The following DCP2 variants were observed in gnomAD, a reference collection of about 807,000 sequenced individuals.
DCP2 encodes the protein decapping mRNA 2, also known as m7GpppN-mRNA hydrolase.
Under a neutral mutation model 56.1 loss-of-function variants are expected in DCP2, and 30 were observed. The ratio of observed to expected loss-of-function variants is 0.53; its 90% CI spans 0.40 to 0.73. The LOEUF (loss-of-function observed/expected upper bound fraction) is 0.73, where lower values mean the gene tolerates loss of function less well. DCP2 is among the 30% of genes least tolerant of loss of function. The probability of loss-of-function intolerance (pLI) is 0.00; values close to 1 mark genes in which losing one functional copy is unlikely to be tolerated. For synonymous variants in DCP2, 197 were observed against 163.3 expected (o/e 1.21, Z -1.57); for missense variants, 533 against 502.7 (o/e 1.06, Z -0.58).
chr5:113,011,602 T>C (rs922854117), intron 10 of DCP2, among the ~76,000 whole-genome samples: 5 of 152,214 alleles, frequency 3.3e-5, no homozygotes, highest in Non-Finnish European at 7.3e-5. Flanking sequence ...TCTGTAATAC[T>C]GTCTGTGATT....
chr5:113,002,316 G>A (rs1225135989), intron 7 of DCP2, among the ~76,000 whole-genome samples: 2 of 151,770 alleles, frequency 1.3e-5, no homozygotes, highest in East Asian at 1.9e-4. Flanking sequence ...CCAGCTTCTC[G>A]GGAGGCTGAG....
At chr5:112,985,780 G>A (rs905982560) in intron 1 of DCP2, 55 bp from the exon 2 acceptor site, 13 of 1,572,168 alleles carry the variant, frequency 8.3e-6, no homozygotes, top group Non-Finnish European at 1.1e-5. Flanking sequence ...AATAGCTTAA[G>A]ATAAATCGTT....
At chr5:113,000,154 C>A (rs1247381086) in intron 4 of DCP2, among the ~76,000 whole-genome samples, 1 of 151,910 alleles carries the variant, frequency 6.6e-6, no homozygotes, top group Non-Finnish European at 1.5e-5. Context: ...TAGATGGAGT[C>A]CCACTGTTGC....
chr5:112,990,151 G>A (rs1748514085), intron 2 of DCP2, among the ~76,000 whole-genome samples: 2 of 152,122 alleles, frequency 1.3e-5, no homozygotes, highest in African/African-American at 4.8e-5. Context: ...GTTCTGTTAT[G>A]GGCCAGTTGA....
chr5:113,012,255 G>T (rs892120712), intron 10 of DCP2, among the ~76,000 whole-genome samples: 1 of 152,168 alleles, frequency 6.6e-6, no homozygotes, highest in Non-Finnish European at 1.5e-5. Context: ...AGCTACTTAA[G>T]AGGCTGAGGC....
At chr5:112,989,895 A>G (rs1189780538) in intron 2 of DCP2, among the ~76,000 whole-genome samples, 1 of 151,292 alleles carries the variant, frequency 6.6e-6, no homozygotes, top group Admixed American at 6.6e-5. Context: ...AGAAGAGATC[A>G]AATTTGAGAG....
intron 1 of DCP2, among the ~76,000 whole-genome samples, chr5:112,980,817 G>C (rs1005767223): frequency 1.3e-4 from 20 of 151,612 alleles, no homozygotes; most frequent in Non-Finnish European, 2.5e-4. Context: ...GTTTTGTTTT[G>C]AGTTCTTCTG....
chr5:112,983,255 A>C (rs767169425), intron 1 of DCP2, among the ~76,000 whole-genome samples: 2 of 152,252 alleles, frequency 1.3e-5, no homozygotes, highest in African/African-American at 4.8e-5. Flanking sequence ...AAGTTAAAAC[A>C]CTACGCTGAA....
Position 112,984,686 on chromosome 5 carries a change from T to TTAA in DCP2, c.54-1149_54-1148insTAA, listed in dbSNP as rs377352438. On this transcript the variant is annotated intron_variant, in intron 1 of 10. Coordinates refer to ENST00000389063, the MANE Select transcript of DCP2 (RefSeq NM_152624.6). The stretch of plus-strand genomic sequence containing the variant: ...TGCAGTGTTGTTTTTATTTCTTAAT[T>TTAA]AAAAAAAAAAAAAAAAAATATATAT... 688 of 89,450 alleles carry TTAA rather than the reference T, an allele frequency of 7.7e-3. 46 individuals carry two copies. Among genetic ancestry groups the TTAA allele is most frequent in the Non-Finnish European group, 0.011 (550 of 48,034 alleles). The allele number at this position is 89,450 out of a possible 1,614,324, so 5.5% of individuals were successfully genotyped here. A position where few individuals can be genotyped will look rare whatever the true frequency, so the allele number is the denominator to read the frequency against.
At chr5:112,992,308 TTTGTTA>T in intron 3 of DCP2, 60 bp downstream of exon 3, 1 of 1,563,478 alleles carries the variant, frequency 6.4e-7, no homozygotes, top group Non-Finnish European at 8.6e-7. Flanking sequence ...GTTAACAAAA[TTTGTTA>T]TTGATGTAGT....
chr5:112,997,916 TG>T (rs753142200), intron 4 of DCP2, among the ~76,000 whole-genome samples: 23 of 152,206 alleles, frequency 1.5e-4, no homozygotes, highest in Non-Finnish European at 3.4e-4. Flanking sequence ...CCTGGCCCTT[TG>T]GGTAACACTT....
rs1379324642 is a variant in DCP2, at chr5:113,014,164, T to C, written c.*680T>C. On this transcript the variant is annotated 3_prime_UTR_variant, in exon 11 of 11. Transcript: ENST00000389063. ...GCTGTGATTTTGAGCTGTGGTTACA[T>C]GCAGTCAGTAAACCTGTGAGACTGC... 6.6e-6 allele frequency: 1 copy of C among 152,364 alleles called. No homozygotes were observed. Among genetic ancestry groups the C allele is most frequent in the African/African-American group, 2.4e-5 (1 of 41,470 alleles). 9.4% of individuals were successfully genotyped at this position (152,364 alleles called of 1,614,324 possible).
At chr5:112,999,953 C>T (rs13171773) in intron 4 of DCP2, among the ~76,000 whole-genome samples, 65,988 of 149,992 alleles carry the variant, frequency 0.44, 15,561 homozygotes, top group East Asian at 0.64. Context: ...CCCAGCTGCT[C>T]AGGAGGCTGA....
At chr5:112,981,389 G>A (rs918643154) in intron 1 of DCP2, among the ~76,000 whole-genome samples, 26 of 152,182 alleles carry the variant, frequency 1.7e-4, no homozygotes, top group Middle Eastern at 3.4e-3. Context: ...ATGGTGAGAT[G>A]ATTAGTGCCT....
In DCP2 at chr5:113,015,820, G is replaced by C. The variant is rs1280164953; in HGVS notation, c.*2336G>C. ...TTTCTCAGTGTTCAGGTTACCTTGA[G>C]AAAGGCCATGCTTAGCGAACTGGAT... On this transcript the variant is annotated 3_prime_UTR_variant, in exon 11 of 11. Transcript: ENST00000389063. The C allele has an allele frequency of 1.3e-5, 2 of 152,648 alleles. No individual in the cohort carries two copies. Among genetic ancestry groups the C allele is most frequent in the African/African-American group, 4.8e-5 (2 of 41,466 alleles). 9.5% of individuals were successfully genotyped at this position (152,648 alleles called of 1,614,324 possible).
chr5:112,997,999 T>C (rs964281875), intron 4 of DCP2, among the ~76,000 whole-genome samples: 8 of 152,216 alleles, frequency 5.3e-5, no homozygotes, highest in African/African-American at 1.9e-4. Context: ...GCTAGGAGAA[T>C]TAAACGCTAT....
intron 1 of DCP2, among the ~76,000 whole-genome samples, chr5:112,978,558 A>G (rs527826203): frequency 6.6e-6 from 1 of 152,328 alleles, no homozygotes; most frequent in South Asian, 2.1e-4. Context: ...CAGAAAAGTA[A>G]ATAGCCTAAT....
intron 1 of DCP2, 96 bp from the exon 2 acceptor site, chr5:112,985,739 C>G: frequency 7.1e-7 from 1 of 1,404,992 alleles, no homozygotes; most frequent in Non-Finnish European, 9.8e-7. Context: ...GGTCCCTTTT[C>G]TCAGTTGGTG....
rs1561710618 is a variant in DCP2, at chr5:113,016,458, A to G, written c.*2974A>G. On this transcript the variant is annotated 3_prime_UTR_variant, in exon 11 of 11. Transcript: ENST00000389063. ...GAGCTTTGAATATCGTTATTTTTCTATTAAATATCAATTAGTAAGTATAGC... is the reference window on the plus strand; with the variant it reads ...GAGCTTTGAATATCGTTATTTTTCTGTTAAATATCAATTAGTAAGTATAGC... The G allele has an allele frequency of 1.3e-5, 2 of 152,248 alleles. No homozygotes were observed. The highest frequency in any genetic ancestry group is 4.8e-5 in the African/African-American group (2 of 41,464). The allele number at this position is 152,248 out of a possible 1,614,324, so 9.4% of individuals were successfully genotyped here. A position where few individuals can be genotyped will look rare whatever the true frequency, so the allele number is the denominator to read the frequency against.
Sources: gnomAD v4.1 joint callset for allele counts (sites outside exome capture counted in the v4.1 genomes callset) on GRCh38, gnomAD v4.1.1 for gene constraint, MANE v1.5 for transcripts, NCBI Gene and HGNC (gene_info 2026-07-23, HGNC 2026-07-21) for gene names.